ANKRD18B: variants seen among roughly 807,000 people sequenced by gnomAD.
ANKRD18B encodes ankyrin repeat domain-containing protein 18B.
In ANKRD18B, 75 loss-of-function variants were observed where a neutral mutation model predicts 111.8. That is an observed-to-expected ratio of 0.67 (90% CI 0.56 to 0.81). The LOEUF is 0.81. ANKRD18B is among the 40% of genes least tolerant of loss of function. The pLI is 0.00. For missense variants in ANKRD18B, 1,038 were observed against 1,225.5 expected (o/e 0.85, Z 2.28); for synonymous variants, 356 against 417.3 (o/e 0.85, Z 1.79).
At chr9:33,545,910 AG>A (rs1172683923) in intron 10 of ANKRD18B, among the ~76,000 whole-genome samples, 2 of 152,210 alleles carry the variant, frequency 1.3e-5, no homozygotes, top group Non-Finnish European at 2.9e-5. Context: ...TATGTGTCAA[AG>A]TAGATTAGTG....
chr9:33,530,586 G>A (rs1476682915), intron 3 of ANKRD18B, among the ~76,000 whole-genome samples: 1 of 141,666 alleles, frequency 7.1e-6, no homozygotes, highest in Non-Finnish European at 1.5e-5. Flanking sequence ...AAGAAGCACA[G>A]AATAGATAAG....
At chr9:33,570,067 TGAAAATCCAAGGTAGATTG>T (rs1200877973) in intron 17 of ANKRD18B, among the ~76,000 whole-genome samples, 4 of 152,166 alleles carry the variant, frequency 2.6e-5, no homozygotes, top group Non-Finnish European at 5.9e-5. Context: ...CAAGGTAGAT[TGAAAATCCAAGGTAGATTG>T]GAAAATTCCA....
rs748171953 is a variant in ANKRD18B, at chr9:33,534,388, A to G, written c.621A>G (p.Ala207=). 3 of 1,546,258 alleles carry G rather than the reference A, an allele frequency of 1.9e-6. No individual in the cohort carries two copies. Among genetic ancestry groups the G allele is most frequent in the Non-Finnish European group, 2.6e-6 (3 of 1,145,394 alleles). The change falls in exon 5 of 19, where the codon GCA becomes GCG. Residue 207 remains alanine, a synonymous_variant. Coordinates refer to ENST00000684830, the MANE Select transcript of ANKRD18B (RefSeq NM_001393611.1). ...DNFKRTALIL[A]VQHNLSSIVT... ...GTTTTAGAACAGCCCTCATACTTGC[A>G]GTACAGCATAACTTGTCAAGTATCG...
At chr9:33,530,637 C>A (rs998424678) in intron 3 of ANKRD18B, among the ~76,000 whole-genome samples, 15 of 151,070 alleles carry the variant, frequency 9.9e-5, no homozygotes, top group Non-Finnish European at 1.6e-4. Flanking sequence ...CATAAGAAAT[C>A]TCTAAAAGAG....
intron 3 of ANKRD18B, among the ~76,000 whole-genome samples, chr9:33,532,073 A>C (rs1304364211): frequency 6.6e-6 from 1 of 152,098 alleles, no homozygotes; most frequent in African/African-American, 2.4e-5. Context: ...ACTCTACTAA[A>C]AATACAAAAA....
At chr9:33,575,393 C>G (rs1266329664), downstream of ANKRD18B, among the ~76,000 whole-genome samples, 1 of 152,242 alleles carries the variant, frequency 6.6e-6, no homozygotes, top group Non-Finnish European at 1.5e-5. Flanking sequence ...CCCCAGATGG[C>G]ACCTGGGCCT....
chr9:33,536,439 T>C (rs570678628), intron 5 of ANKRD18B, among the ~76,000 whole-genome samples: 50 of 152,340 alleles, frequency 3.3e-4, no homozygotes, highest in Middle Eastern at 3.4e-3. Flanking sequence ...AATTTTTCCA[T>C]TGCTTTACTA....
intron 3 of ANKRD18B, among the ~76,000 whole-genome samples, chr9:33,529,791 G>T (rs1453397070): frequency 6.6e-6 from 1 of 152,146 alleles, no homozygotes; most frequent in Non-Finnish European, 1.5e-5. Context: ...ACTGAAACTT[G>T]CCTAAAGATT....
chr9:33,526,179 G>A (rs1419524796), intron 1 of ANKRD18B, among the ~76,000 whole-genome samples: 1 of 152,102 alleles, frequency 6.6e-6, no homozygotes, highest in Non-Finnish European at 1.5e-5. Flanking sequence ...TGGATAATTT[G>A]GAGATAATTA....
chr9:33,553,289 G>A (rs970988450), intron 12 of ANKRD18B, among the ~76,000 whole-genome samples: 2 of 152,040 alleles, frequency 1.3e-5, no homozygotes, highest in Non-Finnish European at 1.5e-5. Context: ...GGTCGCTTGA[G>A]CTCAGAATAT....
At chr9:33,536,388 T>C (rs1028821814) in intron 5 of ANKRD18B, among the ~76,000 whole-genome samples, 1 of 152,250 alleles carries the variant, frequency 6.6e-6, no homozygotes, top group Non-Finnish European at 1.5e-5. Context: ...CAGGTTTTAT[T>C]TGAGATTCCA....
chr9:33,574,504 C>G (rs181871653), downstream of ANKRD18B: 2 of 152,694 alleles, frequency 1.3e-5, no homozygotes, highest in African/African-American at 2.4e-5. Flanking sequence ...ACTTTACACA[C>G]GACCTGGGTT....
chr9:33,559,761 A>T (rs1317283927), intron 14 of ANKRD18B, among the ~76,000 whole-genome samples: 1 of 152,186 alleles, frequency 6.6e-6, no homozygotes, highest in African/African-American at 2.4e-5. Context: ...ATGTCTCCAG[A>T]TCACTAGTAC....
chr9:33,556,940 A>G (rs1408755428), intron 13 of ANKRD18B, among the ~76,000 whole-genome samples: 1 of 152,212 alleles, frequency 6.6e-6, no homozygotes, highest in East Asian at 1.9e-4. Flanking sequence ...ACCTAAAGAA[A>G]AAGAGTAAAA....
At position 33,572,654 on chromosome 9, in the gene ANKRD18B, A is replaced by G. The variant is rs1476699892; in HGVS notation, c.*220A>G. ...AGTTTGACCTACTCAAATTGCCTGAATGTCAGCTGTTTAAACAGCCAAACA... is the reference window on the plus strand; with the variant it reads ...AGTTTGACCTACTCAAATTGCCTGAGTGTCAGCTGTTTAAACAGCCAAACA... On this transcript the variant is annotated 3_prime_UTR_variant, in exon 19 of 19. Coordinates refer to ENST00000684830, the MANE Select transcript of ANKRD18B (RefSeq NM_001393611.1). The G allele has an allele frequency of 8.7e-7, 1 of 1,148,786 alleles. No individual in the cohort carries two copies. The highest frequency in any genetic ancestry group is 4.4e-5 in the Admixed American group (1 of 22,524). The allele number at this position is 1,148,786 out of a possible 1,614,324, so 71.2% of individuals were successfully genotyped here. A position where few individuals can be genotyped will look rare whatever the true frequency, so the allele number is the denominator to read the frequency against.
Position 33,567,093 on chromosome 9 carries a change from T to C in ANKRD18B, c.2743-10T>C, listed in dbSNP as rs760987089. 1.5e-5 allele frequency: 23 copies of C among 1,513,982 alleles called. No individual in the cohort carries two copies. In the South Asian group the frequency reaches 3.0e-4, roughly 20 times the overall value. 93.8% of individuals were successfully genotyped at this position (1,513,982 alleles called of 1,614,324 possible). A position where few individuals can be genotyped will look rare whatever the true frequency, so the allele number is the denominator to read the frequency against. On this transcript the variant is annotated splice_polypyrimidine_tract_variant and intron_variant, in intron 15 of 18. Coordinates refer to ENST00000684830, the MANE Select transcript of ANKRD18B (RefSeq NM_001393611.1). ...TTGTTTTAAAAGTGTATTCTTTTCA[T>C]TTGTTTTAGAAACAAGCAGAATATG... is the stretch of plus-strand genomic sequence containing the variant.
chr9:33,573,557 A>T (rs1050109047), downstream of ANKRD18B, among the ~76,000 whole-genome samples: 1 of 144,896 alleles, frequency 6.9e-6, no homozygotes, highest in East Asian at 2.1e-4. Context: ...CTCCTTTCAG[A>T]TGGGCCCAGA....
intron 10 of ANKRD18B, among the ~76,000 whole-genome samples, chr9:33,543,740 G>A (rs144877482): frequency 0.025 from 3,844 of 152,266 alleles, 68 homozygotes; most frequent in Middle Eastern, 0.068. Flanking sequence ...TATGTTCAGG[G>A]AGAAGATGGG....
chr9:33,573,697 A>AG (rs1319005144), downstream of ANKRD18B, among the ~76,000 whole-genome samples: 1 of 139,978 alleles, frequency 7.1e-6, no homozygotes, highest in African/African-American at 2.6e-5. Flanking sequence ...ACATGCAGGG[A>AG]GGGAGGGTCT....
Sources: allele counts gnomAD v4.1 joint callset (sites outside exome capture counted in the v4.1 genomes callset), GRCh38; gene constraint gnomAD v4.1.1; transcripts MANE v1.5; gene names NCBI Gene and HGNC (gene_info 2026-07-23, HGNC 2026-07-21).